Variants in NAXD observed in about 807,000 individuals in gnomAD.
NAXD encodes the protein ATP-dependent (S)-NAD(P)H-hydrate dehydratase.
A neutral mutation model predicts 35.8 loss-of-function variants in NAXD; 22 were observed. That is an observed-to-expected ratio of 0.62 (90% CI 0.44 to 0.88). The LOEUF (loss-of-function observed/expected upper bound fraction) is 0.88, where lower values mean the gene tolerates loss of function less well. Ranked by LOEUF, NAXD falls within the 40% of genes least tolerant of loss-of-function variation. The probability of loss-of-function intolerance (pLI) is 0.00; values close to 1 mark genes in which losing one functional copy is unlikely to be tolerated. For synonymous variants in NAXD, 189 were observed against 177.6 expected, an observed-to-expected ratio of 1.06 and a Z score of -0.51; for missense variants, 428 against 437.7, an observed-to-expected ratio of 0.98 and a Z score of 0.20.
rs775862576 is a variant in NAXD at position 110,638,543 on chromosome 13, G to C, written c.*15G>C. ...TTGAAACCTGAGCCCGCGCAGACCA[G>C]AAGTAAACAGGCACCTTGGACGGGG... On this transcript the variant is annotated 3_prime_UTR_variant, in exon 10 of 10. Transcript: ENST00000680254. The surrounding 1 kb of genome is among the most constrained non-coding windows in gnomAD (Gnocchi z 5.4). The C allele has an allele frequency of 4.3e-6, 7 of 1,611,170 alleles. No individual in the cohort carries two copies. The highest frequency in any genetic ancestry group is 2.7e-5 in the African/African-American group (2 of 75,026).
At chr13:110,622,421 C>A in intron 2 of NAXD, 55 bp downstream of exon 2, 6 of 1,571,594 alleles carry the variant, frequency 3.8e-6, no homozygotes, top group Non-Finnish European at 5.2e-6. Context: ...TGGCTGGCTG[C>A]TTACCTGACT....
intron 5 of NAXD, among the ~76,000 whole-genome samples, chr13:110,632,146 C>T (rs556829153): frequency 2.2e-5 from 3 of 136,956 alleles, no homozygotes; most frequent in South Asian, 4.6e-4. Flanking sequence ...GGAGTTTCTT[C>T]CTTCTGGTGG....
At chr13:110,618,491 T>TC (rs1271774925) in intron 1 of NAXD, among the ~76,000 whole-genome samples, 1 of 152,172 alleles carries the variant, frequency 6.6e-6, no homozygotes, top group African/African-American at 2.4e-5. Context: ...AGAACAGGAT[T>TC]CCCCCCGTGT....
rs1402407604 is a variant in NAXD at position 110,625,170 on chromosome 13, C to T, written c.244-20C>T. On this transcript the variant is annotated intron_variant, in intron 3 of 9. Coordinates refer to ENST00000680254, the MANE Select transcript of NAXD (RefSeq NM_001242882.2). ...ATGCCGGAGCGATCCCTGAGTCGGC[C>T]TCTTGTGCTCCTTCATCAGGGCGCA... The T allele has an allele frequency of 5.0e-6, 8 of 1,603,170 alleles. No homozygotes were observed. Among genetic ancestry groups the T allele is most frequent in the Admixed American group, 3.3e-5 (2 of 59,998 alleles).
In NAXD at chr13:110,638,606, G is replaced by A. The variant is rs757383981; in HGVS notation, c.*78G>A. On this transcript the variant is annotated 3_prime_UTR_variant, in exon 10 of 10. Coordinates refer to ENST00000680254, the MANE Select transcript of NAXD (RefSeq NM_001242882.2). The surrounding 1 kb of genome is among the most constrained non-coding windows in gnomAD (Gnocchi z 5.4). ...GTGATGGGAAAATCCGGACCCACGC[G>A]TGTGCTGAAGGCGTACGGTGCTTGC... 5.9e-6 allele frequency: 9 copies of A among 1,514,834 alleles called. No individual in the cohort carries two copies. Among genetic ancestry groups the A allele is most frequent in the East Asian group, 2.2e-5 (1 of 44,450 alleles). The allele number at this position is 1,514,834 out of a possible 1,614,324, so 93.8% of individuals were successfully genotyped here. A position where few individuals can be genotyped will look rare whatever the true frequency, so the allele number is the denominator to read the frequency against.
Position 110,615,656 on chromosome 13 carries a change from G to T in NAXD, c.46+9G>T. 1 of 1,512,560 alleles carries T rather than the reference G, an allele frequency of 6.6e-7. No homozygotes were observed. 93.7% of individuals were successfully genotyped at this position (1,512,560 alleles called of 1,614,324 possible). On this transcript the variant is annotated intron_variant, in intron 1 of 9. Transcript: ENST00000680254. The stretch of plus-strand genomic sequence containing the variant: ...CCGGGCTTGCAGACGAGGTAAGGTC[G>T]ATTCCATTTGGCCCGGGGATGGTCA...
At chr13:110,624,662 C>G (rs1480093139) in intron 3 of NAXD, among the ~76,000 whole-genome samples, 2 of 152,198 alleles carry the variant, frequency 1.3e-5, no homozygotes, top group Non-Finnish European at 2.9e-5. Context: ...GGTTTTCTCT[C>G]TGTTGGTCAG....
rs371909883 is a variant in NAXD, at chr13:110,615,898, C to T, written c.46+251C>T. 21 of 795,024 alleles carry T rather than the reference C, an allele frequency of 2.6e-5. No homozygotes were observed. The South Asian group carries it at 5.3e-4, about 20-fold the overall frequency. 49.2% of individuals were successfully genotyped at this position (795,024 alleles called of 1,614,324 possible). A position where few individuals can be genotyped will look rare whatever the true frequency, so the allele number is the denominator to read the frequency against. On this transcript the variant is annotated intron_variant, in intron 1 of 9. Coordinates refer to ENST00000680254, the MANE Select transcript of NAXD (RefSeq NM_001242882.2). ...GGAGTAGGGAGAGGACGGAGGCCTC[C>T]TGGAACGGCGCGGCGACGGCTGGGC...
At chr13:110,618,662 T>G (rs1226344936) in intron 1 of NAXD, among the ~76,000 whole-genome samples, 1 of 152,224 alleles carries the variant, frequency 6.6e-6, no homozygotes, top group Non-Finnish European at 1.5e-5. Context: ...GTATTCGATG[T>G]TTGAGCCCCC....
At chr13:110,620,572 C>G (rs1181370045) in intron 1 of NAXD, among the ~76,000 whole-genome samples, 2 of 130,122 alleles carry the variant, frequency 1.5e-5, no homozygotes, top group Non-Finnish European at 3.1e-5. Context: ...GAGTGAGACT[C>G]TGTCTCAAAA....
At position 110,639,156 on chromosome 13, in the gene NAXD, A is replaced by G. The variant is rs375360803; in HGVS notation, c.*628A>G. On this transcript the variant is annotated 3_prime_UTR_variant, in exon 10 of 10. Coordinates refer to ENST00000680254, the MANE Select transcript of NAXD (RefSeq NM_001242882.2). The stretch of plus-strand genomic sequence containing the variant: ...GAAACCCTTTTGGAGGCACCATGGG[A>G]ACAGAAGGAAACATGAGTGACGCTG... The G allele has an allele frequency of 1.2e-4, 22 of 186,844 alleles. No homozygotes were observed. In the East Asian group the frequency reaches 1.9e-3, roughly 16 times the overall value. 11.6% of individuals were successfully genotyped at this position (186,844 alleles called of 1,614,324 possible).
chr13:110,628,021 A>G lies in NAXD; in HGVS notation c.441+474A>G, dbSNP rs1424673088. ...GGCCTGCTTGTCCGTGCCCACATGC[A>G]TATGCGCATGGACTCTCATTTATGC... On this transcript the variant is annotated intron_variant, in intron 5 of 9. Transcript: ENST00000680254. This position sits in a 1 kb window ranked among gnomAD's most constrained non-coding sequence, Gnocchi z 4.1. Among the ~76,000 whole-genome samples, 1 of 152,224 alleles carries G rather than the reference A, an allele frequency of 6.6e-6. No homozygotes were observed. The highest frequency in any genetic ancestry group is 1.5e-5 in the Non-Finnish European group (1 of 68,032).
intron 1 of NAXD, among the ~76,000 whole-genome samples, chr13:110,621,552 A>G (rs934628945): frequency 1.3e-5 from 2 of 151,364 alleles, no homozygotes; most frequent in African/African-American, 2.4e-5. Flanking sequence ...AAAAATTAGC[A>G]GGGCAGGGTG....
At chr13:110,624,334 T>C (rs1317200177) in intron 3 of NAXD, 55 bp downstream of exon 3, 3 of 1,084,320 alleles carry the variant, frequency 2.8e-6, no homozygotes, top group African/African-American at 3.1e-5. Context: ...AGTTTGATTA[T>C]TTAAATATGA....
rs1229993546 is a variant in NAXD at position 110,638,551 on chromosome 13, C to T, written c.*23C>T. On this transcript the variant is annotated 3_prime_UTR_variant, in exon 10 of 10. Coordinates refer to ENST00000680254, the MANE Select transcript of NAXD (RefSeq NM_001242882.2). The surrounding 1 kb of genome is among the most constrained non-coding windows in gnomAD (Gnocchi z 5.4). ...TGAGCCCGCGCAGACCAGAAGTAAA[C>T]AGGCACCTTGGACGGGGGAGAGCGT... 1 of 1,610,780 alleles carries T rather than the reference C, an allele frequency of 6.2e-7. No individual in the cohort carries two copies. Among genetic ancestry groups the T allele is most frequent in the Admixed American group, 1.7e-5 (1 of 59,988 alleles).
At chr13:110,635,682 A>T in intron 8 of NAXD, 94 bp downstream of exon 8, 1 of 1,395,908 alleles carries the variant, frequency 7.2e-7, no homozygotes, top group Non-Finnish European at 9.9e-7. Flanking sequence ...TCCCGTGCAC[A>T]CCCGTGTTCA....
chr13:110,637,721 ACC>A (rs1193051169), intron 9 of NAXD: 2 of 459,548 alleles, frequency 4.4e-6, no homozygotes, highest in Non-Finnish European at 8.7e-6. Context: ...CAGTTCCCAT[ACC>A]TCTAAGCATC....
chr13:110,634,279 C>T (rs536080196), intron 5 of NAXD, among the ~76,000 whole-genome samples: 59 of 152,270 alleles, frequency 3.9e-4, no homozygotes, highest in African/African-American at 1.4e-3. Context: ...AATGAACAGG[C>T]GTTTACTGGC....
At chr13:110,636,160 G>A (rs183070571) in intron 8 of NAXD, among the ~76,000 whole-genome samples, 1 of 152,336 alleles carries the variant, frequency 6.6e-6, no homozygotes, top group East Asian at 1.9e-4. Flanking sequence ...CGCCAGCGAG[G>A]CATCTGGGGA....
Sources: gnomAD v4.1 joint callset for allele counts (sites outside exome capture counted in the v4.1 genomes callset) on GRCh38, gnomAD v4.1.1 for gene constraint, Gnocchi (gnomAD v3.1) non-coding constraint, MANE v1.5 for transcripts, NCBI Gene and HGNC (gene_info 2026-07-23, HGNC 2026-07-21) for gene names.